The following ADAM12 variants were observed in gnomAD, a reference collection of about 807,000 sequenced individuals.
ADAM12 encodes the protein disintegrin and metalloproteinase domain-containing protein 12.
ADAM12 carries 70 observed loss-of-function variants against 106.4 expected under a neutral mutation model. The ratio of observed to expected loss-of-function variants is 0.66; its 90% CI spans 0.54 to 0.80. ADAM12 has a LOEUF of 0.80. Among genes scored for constraint, ADAM12 ranks in the 30% least tolerant of loss-of-function variants. ADAM12 has a pLI of 0.00. For missense variants in ADAM12, 1,010 were observed against 1,171.9 expected (o/e 0.86, Z 2.02); for synonymous variants, 420 against 433.5 (o/e 0.97, Z 0.39).
intron 8 of ADAM12, among the ~76,000 whole-genome samples, chr10:126,102,022 C>T (rs954573789): frequency 2.6e-5 from 4 of 152,152 alleles, no homozygotes; most frequent in African/African-American, 4.8e-5. Flanking sequence ...CTGACTTCAG[C>T]CTATGGCCCA....
chr10:126,386,936 T>TC (rs1280010402), intron 1 of ADAM12, among the ~76,000 whole-genome samples: 4 of 152,244 alleles, frequency 2.6e-5, no homozygotes, highest in Non-Finnish European at 5.9e-5. Context: ...TAATCATTTA[T>TC]CCCCGAATTG....
intron 5 of ADAM12, among the ~76,000 whole-genome samples, chr10:126,123,560 C>G (rs1175587945): frequency 6.6e-6 from 1 of 152,130 alleles, no homozygotes; most frequent in Non-Finnish European, 1.5e-5. Context: ...TCAGGGTCAC[C>G]CCCCTGTGGC....
At chr10:126,321,068 C>T (rs982844776) in intron 2 of ADAM12, among the ~76,000 whole-genome samples, 3 of 152,130 alleles carry the variant, frequency 2.0e-5, no homozygotes, top group Admixed American at 1.3e-4. Flanking sequence ...AACCTGACCT[C>T]GGGTCTCAAA....
Position 126,224,744 on chromosome 10 carries a change from C to T in ADAM12, c.260+54171G>A, listed in dbSNP as rs568142064. Among the ~76,000 whole-genome samples the T allele has an allele frequency of 5.3e-5, 8 of 152,352 alleles. No individual in the cohort carries two copies. The South Asian group carries it at 1.2e-3, about 24-fold the overall frequency. On this transcript the variant is annotated intron_variant, in intron 3 of 22. Coordinates refer to ENST00000448723, the MANE Select transcript of ADAM12 (RefSeq NM_001288973.2). ...CTGGACTGCCAAAGAGCCACTGTCA[C>T]GATGTCAGGTCAAACGTCTGTTGCC...
chr10:126,298,121 T>C (rs987692250), intron 2 of ADAM12, among the ~76,000 whole-genome samples: 3 of 152,016 alleles, frequency 2.0e-5, no homozygotes, highest in Non-Finnish European at 4.4e-5. Flanking sequence ...TATGACATCA[T>C]CTAGCGGCTC....
Position 126,234,214 on chromosome 10 carries a change from C to T in ADAM12, c.260+44701G>A, listed in dbSNP as rs188854402. ...GCTATCAAAATGGAATGAGATTCTG[C>T]GTCATTTCTTCTTTTTTTTTCTCTT... On this transcript the variant is annotated intron_variant, in intron 3 of 22. Transcript: ENST00000448723. Among the ~76,000 whole-genome samples, 58 of 152,166 alleles carry T rather than the reference C, an allele frequency of 3.8e-4. 1 individual carries two copies. Among genetic ancestry groups the T allele is most frequent in the African/African-American group, 1.0e-3 (43 of 41,526 alleles).
chr10:126,106,896 C>A (rs1045793756), intron 8 of ADAM12, among the ~76,000 whole-genome samples: 1 of 152,158 alleles, frequency 6.6e-6, no homozygotes, highest in Non-Finnish European at 1.5e-5. Flanking sequence ...GTGTCTCTCC[C>A]CTGCTTAAAA....
chr10:126,266,838 C>T (rs1185463919), intron 3 of ADAM12, among the ~76,000 whole-genome samples: 7 of 152,130 alleles, frequency 4.6e-5, no homozygotes, highest in Non-Finnish European at 8.8e-5. Flanking sequence ...AACCCGATTT[C>T]ACGAGAAGTC....
chr10:126,233,268 C>T (rs1453441775), intron 3 of ADAM12, among the ~76,000 whole-genome samples: 1 of 152,090 alleles, frequency 6.6e-6, no homozygotes, highest in Non-Finnish European at 1.5e-5. Context: ...GAGAGGACCC[C>T]TGAGGAGTGA....
chr10:126,076,775 T>C (rs751521557), intron 11 of ADAM12, among the ~76,000 whole-genome samples: 5 of 152,194 alleles, frequency 3.3e-5, no homozygotes, highest in Non-Finnish European at 4.4e-5. Flanking sequence ...AGATGCATAG[T>C]TTGTGAATAT....
At chr10:126,314,543 T>C (rs1961262744) in intron 2 of ADAM12, among the ~76,000 whole-genome samples, 1 of 152,148 alleles carries the variant, frequency 6.6e-6, no homozygotes, top group South Asian at 2.1e-4. Flanking sequence ...CACACTCAAA[T>C]CAATCAAGAG....
chr10:126,125,950 G>A (rs1219944171), intron 5 of ADAM12, among the ~76,000 whole-genome samples: 6 of 151,920 alleles, frequency 3.9e-5, no homozygotes, highest in Admixed American at 6.6e-5. Flanking sequence ...CACCCAAAGC[G>A]AGGAGGGAGA....
chr10:126,125,280 T>C (rs1956186793), intron 5 of ADAM12, among the ~76,000 whole-genome samples: 1 of 150,084 alleles, frequency 6.7e-6, no homozygotes, highest in Non-Finnish European at 1.5e-5. Context: ...GAGTCTCGCT[T>C]TGTCACCAGG....
rs369702251 is a variant in ADAM12 at position 126,118,123 on chromosome 10, C to T, written c.518G>A (p.Arg173Gln). 72 of 1,614,038 alleles carry T rather than the reference C, an allele frequency of 4.5e-5. No homozygotes were observed. Among genetic ancestry groups the T allele is most frequent in the East Asian group, 1.1e-4 (5 of 44,894 alleles). ...LFPAKKLKSV[R>Q]GSCGSHHNTP... ...GTTGTGATGTGATCCACATGATCCC[C>T]GGACGCTTTTCAGCTTCTTCGCTGG... The change falls in exon 6 of 23, where the codon CGG becomes CAG. Residue 173 changes from arginine (R) to glutamine (Q), a missense_variant. Physicochemically the swap from Arg to Gln is conservative, Grantham distance 43. Around this residue, in one of 3 missense-constraint regions of ADAM12, gnomAD observed 391 missense variants for 442.9 expected, o/e 0.88. Transcript: ENST00000448723.
intron 1 of ADAM12, among the ~76,000 whole-genome samples, chr10:126,337,810 T>C (rs1294629877): frequency 6.6e-6 from 1 of 152,272 alleles, no homozygotes; most frequent in Non-Finnish European, 1.5e-5. Flanking sequence ...CAAAATGCTC[T>C]TGCTGGCTTT....
At position 126,256,920 on chromosome 10, in the gene ADAM12, A is replaced by AATGATG. The variant is rs35511415; in HGVS notation, c.260+21989_260+21994dup. ...ACCTTTGGATGGGAATAATAATAAT[A>AATGATG]ATGATGATGATGATGATGATGATGG... On this transcript the variant is annotated intron_variant, in intron 3 of 22. Coordinates refer to ENST00000448723, the MANE Select transcript of ADAM12 (RefSeq NM_001288973.2). Among the ~76,000 whole-genome samples the AATGATG allele has an allele frequency of 2.2e-3, 217 of 97,224 alleles. 1 individual carries two copies. The highest frequency in any genetic ancestry group is 7.4e-3 in the African/African-American group (181 of 24,450). 63.8% of individuals were successfully genotyped at this position (97,224 alleles called of 152,430 possible).
chr10:126,058,099 G>C (rs927238590), intron 14 of ADAM12, among the ~76,000 whole-genome samples: 1 of 152,096 alleles, frequency 6.6e-6, no homozygotes, highest in African/African-American at 2.4e-5. Context: ...TGTCCTTCAG[G>C]GCTCTCCTCT....
intron 18 of ADAM12, 110 bp downstream of exon 18, chr10:126,042,916 GACCCATGTGGGGTC>G: frequency 1.2e-6 from 1 of 852,948 alleles, no homozygotes; most frequent in Non-Finnish European, 1.8e-6. Flanking sequence ...AGGCTGTGTA[GACCCATGTGGGGTC>G]CCCACTGGGT....
chr10:126,292,422 T>C (rs1960193773), intron 2 of ADAM12, among the ~76,000 whole-genome samples: 1 of 152,108 alleles, frequency 6.6e-6, no homozygotes, highest in African/African-American at 2.4e-5. Context: ...TCATTCCAGC[T>C]CTCCCCTGGC....
Sources: gnomAD v4.1 joint callset for allele counts (sites outside exome capture counted in the v4.1 genomes callset) on GRCh38, gnomAD v4.1.1 for gene constraint, gnomAD v4.1.1 regional missense constraint, MANE v1.5 for transcripts, NCBI Gene and HGNC (gene_info 2026-07-23, HGNC 2026-07-21) for gene names.